RBFOX1: variants seen among roughly 807,000 people sequenced by gnomAD.
The protein encoded by RBFOX1 is RNA binding protein fox-1 homolog 1.
RBFOX1 carries 8 observed loss-of-function variants against 57.7 expected under a neutral mutation model. That is an observed-to-expected ratio of 0.14 (90% CI 0.08 to 0.25). RBFOX1 has a LOEUF of 0.25. RBFOX1 is among the 10% of genes least tolerant of loss of function. The pLI is 1.00. For missense variants in RBFOX1, 611 were observed against 548.5 expected, an observed-to-expected ratio of 1.11 and a Z score of -1.14; for synonymous variants, 326 against 222.4, an observed-to-expected ratio of 1.47 and a Z score of -4.15.
intron 1 of RBFOX1, among the ~76,000 whole-genome samples, chr16:6,243,712 A>C (rs949313094): frequency 6.6e-6 from 1 of 152,164 alleles, no homozygotes; most frequent in Admixed American, 6.5e-5. Context: ...AACCTGGTTC[A>C]GCCAGGCTGG....
chr16:6,281,405 G>C (rs756315553), intron 1 of RBFOX1, among the ~76,000 whole-genome samples: 1 of 152,084 alleles, frequency 6.6e-6, no homozygotes, highest in African/African-American at 2.4e-5. Context: ...CACCAACTCC[G>C]GAGCCCACGC....
intron 4 of RBFOX1, among the ~76,000 whole-genome samples, chr16:7,153,610 G>C (rs1356557841): frequency 6.6e-6 from 1 of 151,602 alleles, no homozygotes; most frequent in Non-Finnish European, 1.5e-5. Context: ...GATGGTGGTG[G>C]GGGGAGGGGG....
At chr16:7,356,168 ATT>A (rs1351874195) in intron 4 of RBFOX1, among the ~76,000 whole-genome samples, 1 of 152,218 alleles carries the variant, frequency 6.6e-6, no homozygotes, top group Non-Finnish European at 1.5e-5. Flanking sequence ...ACTATCAGGC[ATT>A]GATTCCATGC....
intron 3 of RBFOX1, among the ~76,000 whole-genome samples, chr16:7,004,794 A>G (rs1453291335): frequency 1.3e-5 from 2 of 152,188 alleles, no homozygotes; most frequent in African/African-American, 4.8e-5. Flanking sequence ...AACCTAATCC[A>G]CGTGTCTCTA....
intron 2 of RBFOX1, among the ~76,000 whole-genome samples, chr16:6,644,630 C>G (rs549756292): frequency 2.0e-5 from 3 of 152,288 alleles, no homozygotes; most frequent in South Asian, 4.2e-4. Context: ...CCTTACTTAG[C>G]TTCTCATGAC....
chr16:6,514,349 C>A (rs560335234), intron 2 of RBFOX1, among the ~76,000 whole-genome samples: 12 of 152,122 alleles, frequency 7.9e-5, no homozygotes, highest in Non-Finnish European at 1.6e-4. Flanking sequence ...GGCTTAAGAG[C>A]TTCTGTGTCT....
At chr16:6,563,428 G>T (rs913380314) in intron 2 of RBFOX1, among the ~76,000 whole-genome samples, 3 of 152,074 alleles carry the variant, frequency 2.0e-5, no homozygotes, top group African/African-American at 7.2e-5. Flanking sequence ...CCCTAGATTG[G>T]ATGTGTATAA....
intron 3 of RBFOX1, among the ~76,000 whole-genome samples, chr16:6,737,539 C>A (rs559646976): frequency 6.6e-6 from 1 of 152,300 alleles, no homozygotes; most frequent in South Asian, 2.1e-4. Context: ...GAAGTCATTG[C>A]TGCTCAACAT....
At chr16:7,548,966 G>T (rs1248468518) in intron 5 of RBFOX1, among the ~76,000 whole-genome samples, 1 of 152,206 alleles carries the variant, frequency 6.6e-6, no homozygotes, top group Non-Finnish European at 1.5e-5. Context: ...CCATCCCAGA[G>T]CTCACATTCC....
intron 4 of RBFOX1, among the ~76,000 whole-genome samples, chr16:7,069,608 G>A (rs1468904361): frequency 6.6e-6 from 1 of 152,134 alleles, no homozygotes; most frequent in Non-Finnish European, 1.5e-5. Context: ...GGGTAAGCAA[G>A]AAGCATCATG....
chr16:6,039,838 G>A (rs1487920197), intron 1 of RBFOX1, among the ~76,000 whole-genome samples: 1 of 152,202 alleles, frequency 6.6e-6, no homozygotes, highest in Admixed American at 6.5e-5. Flanking sequence ...GTTGGCTGGC[G>A]CTGTGTCACC....
At chr16:6,715,719 T>C (rs1392304957) in intron 3 of RBFOX1, among the ~76,000 whole-genome samples, 1 of 152,136 alleles carries the variant, frequency 6.6e-6, no homozygotes, top group Non-Finnish European at 1.5e-5. Context: ...GGTTTGTTGT[T>C]TATGGGTGGT....
intron 1 of RBFOX1, among the ~76,000 whole-genome samples, chr16:6,247,990 G>A (rs2080922471): frequency 6.6e-6 from 1 of 152,132 alleles, no homozygotes; most frequent in African/African-American, 2.4e-5. Flanking sequence ...TGACATTGAT[G>A]TTACTGTCAG....
At chr16:5,972,909 C>T (rs1183821709) in intron 4 of RBFOX1, among the ~76,000 whole-genome samples, 1 of 152,144 alleles carries the variant, frequency 6.6e-6, no homozygotes, top group Non-Finnish European at 1.5e-5. Context: ...GTATGCTTTC[C>T]CCAGCTTTTC....
At chr16:7,244,445 T>C (rs958443670) in intron 4 of RBFOX1, among the ~76,000 whole-genome samples, 5 of 152,264 alleles carry the variant, frequency 3.3e-5, no homozygotes, top group East Asian at 1.9e-4. Flanking sequence ...TCTTGTCATA[T>C]TGAGATCAAG....
chr16:5,389,776 C>T (rs1033174307), intron 1 of RBFOX1, among the ~76,000 whole-genome samples: 2 of 152,028 alleles, frequency 1.3e-5, no homozygotes, highest in Non-Finnish European at 2.9e-5. Flanking sequence ...CAGCTCACTG[C>T]GACTTCCATC....
chr16:7,630,490 T>C, intron 10 of RBFOX1, 113 bp from the exon 11 acceptor site: 1 of 1,541,654 alleles, frequency 6.5e-7, no homozygotes, highest in African/African-American at 1.4e-5. Context: ...TCCTGCGCTC[T>C]GGGATGTGGC....
chr16:6,959,414 T>G (rs2082493489), intron 3 of RBFOX1, among the ~76,000 whole-genome samples: 1 of 152,212 alleles, frequency 6.6e-6, no homozygotes, highest in Non-Finnish European at 1.5e-5. Context: ...GAGTTGTACT[T>G]CACGCTTATC....
intron 4 of RBFOX1, among the ~76,000 whole-genome samples, chr16:7,101,693 T>C (rs2062719886): frequency 6.6e-6 from 1 of 152,094 alleles, no homozygotes; most frequent in Non-Finnish European, 1.5e-5. Flanking sequence ...GGCATTCAAG[T>C]AGGGTGATTT....
Sources: gnomAD v4.1 joint callset for allele counts (sites outside exome capture counted in the v4.1 genomes callset) on GRCh38, gnomAD v4.1.1 for gene constraint, MANE v1.5 for transcripts, NCBI Gene and HGNC (gene_info 2026-07-23, HGNC 2026-07-21) for gene names.